FAT3: variants seen among roughly 807,000 people sequenced by gnomAD.
FAT3 encodes FAT atypical cadherin 3.
Under a neutral mutation model 310.2 loss-of-function variants are expected in FAT3, and 95 were observed. The observed-to-expected ratio is 0.31, with a 90% CI of 0.26 to 0.36. The LOEUF (loss-of-function observed/expected upper bound fraction) is 0.36, where lower values mean the gene tolerates loss of function less well. Among genes scored for constraint, FAT3 ranks in the 10% least tolerant of loss-of-function variants. The pLI, the probability that FAT3 is intolerant of heterozygous loss-of-function variation, is 1.00. For synonymous variants in FAT3, 2,314 were observed against 2,192.9 expected (o/e 1.06, Z -1.54); for missense variants, 5,408 against 5,715.6 (o/e 0.95, Z 1.74).
At chr11:92,649,371 A>C (rs926599216) in intron 3 of FAT3, among the ~76,000 whole-genome samples, 20 of 152,184 alleles carry the variant, frequency 1.3e-4, no homozygotes, top group Non-Finnish European at 2.5e-4. Context: ...TTTATCTGCA[A>C]CTATATCCCA....
At chr11:92,383,227 C>T (rs1359283037) in intron 2 of FAT3, among the ~76,000 whole-genome samples, 1 of 152,170 alleles carries the variant, frequency 6.6e-6, no homozygotes, top group African/African-American at 2.4e-5. Context: ...TTTTCTTTAT[C>T]CAGTCTGTCA....
chr11:92,382,741 T>C (rs1025040735), intron 2 of FAT3, among the ~76,000 whole-genome samples: 1 of 152,256 alleles, frequency 6.6e-6, no homozygotes, highest in Non-Finnish European at 1.5e-5. Context: ...GATGTGATTG[T>C]GTTCCAGTTC....
At position 92,774,187 on chromosome 11, in the gene FAT3, T is replaced by A. The variant is rs1218185760; in HGVS notation, c.4335+7T>A. 1.2e-6 allele frequency: 2 copies of A among 1,603,978 alleles called. No individual in the cohort carries two copies. The highest frequency in any genetic ancestry group is 1.3e-5 in the African/African-American group (1 of 74,748). On this transcript the variant is annotated splice_region_variant and intron_variant, in intron 7 of 27. Coordinates refer to ENST00000525166, the MANE Select transcript of FAT3 (RefSeq NM_001367949.2). ...AAATGTTGCTGTTACTCAGGTGAGA[T>A]GTTAAATTACTGAATAGCAGGAATG...
At chr11:92,835,119 T>C (rs747000758) in intron 15 of FAT3, 35 bp downstream of exon 15, 2 of 1,551,388 alleles carry the variant, frequency 1.3e-6, no homozygotes, top group African/African-American at 2.7e-5. Context: ...TTCTAGATGT[T>C]TGGGACTAGT....
chr11:92,466,051 A>G (rs1951752204), intron 2 of FAT3, among the ~76,000 whole-genome samples: 1 of 152,176 alleles, frequency 6.6e-6, no homozygotes, highest in Admixed American at 6.6e-5. Flanking sequence ...TCTATACAGC[A>G]GGTACTATTG....
chr11:92,483,201 T>G (rs1456256842), intron 2 of FAT3, among the ~76,000 whole-genome samples: 7 of 152,216 alleles, frequency 4.6e-5, no homozygotes, highest in Non-Finnish European at 7.4e-5. Context: ...GCACAGGCCC[T>G]GGGCAATCTG....
intron 2 of FAT3, among the ~76,000 whole-genome samples, chr11:92,447,211 GTATA>G (rs1304110582): frequency 2.3e-4 from 30 of 129,662 alleles, no homozygotes; most frequent in African/African-American, 8.3e-4. Flanking sequence ...ATATGTGTAT[GTATA>G]TGTGTGCGTG....
At chr11:92,445,640 C>T (rs1951190878) in intron 2 of FAT3, among the ~76,000 whole-genome samples, 1 of 151,974 alleles carries the variant, frequency 6.6e-6, no homozygotes, top group Admixed American at 6.6e-5. Flanking sequence ...TTAAGAAAGG[C>T]CTAATATTTG....
chr11:92,457,317 A>G (rs533831476), intron 2 of FAT3, among the ~76,000 whole-genome samples: 1 of 152,286 alleles, frequency 6.6e-6, no homozygotes, highest in African/African-American at 2.4e-5. Context: ...AGGCAGAGAT[A>G]CAATGGAAGC....
intron 2 of FAT3, among the ~76,000 whole-genome samples, chr11:92,425,456 T>C (rs902799546): frequency 1.3e-5 from 2 of 152,110 alleles, no homozygotes; most frequent in Non-Finnish European, 2.9e-5. Flanking sequence ...GTTACATAGG[T>C]ATACATGTGC....
intron 1 of FAT3, among the ~76,000 whole-genome samples, chr11:92,239,005 G>A (rs1864553637): frequency 6.6e-6 from 1 of 152,052 alleles, no homozygotes; most frequent in Admixed American, 6.6e-5. Context: ...ACATTGCTGA[G>A]AGCTTTACAT....
At chr11:92,329,300 A>G (rs1947846182) in intron 1 of FAT3, among the ~76,000 whole-genome samples, 1 of 151,542 alleles carries the variant, frequency 6.6e-6, no homozygotes, top group Non-Finnish European at 1.5e-5. Context: ...CTCCGAGATG[A>G]GTGAGTGTTT....
At chr11:92,839,529 C>T (rs1312751837) in intron 17 of FAT3, among the ~76,000 whole-genome samples, 2 of 152,186 alleles carry the variant, frequency 1.3e-5, no homozygotes, top group African/African-American at 2.4e-5. Flanking sequence ...AAATATGCCT[C>T]CTTTTTCCCA....
chr11:92,545,632 C>T (rs1252717093), intron 3 of FAT3, among the ~76,000 whole-genome samples: 1 of 152,146 alleles, frequency 6.6e-6, no homozygotes, highest in Non-Finnish European at 1.5e-5. Flanking sequence ...GTAAGATTTG[C>T]ACTTGCTCTT....
chr11:92,428,688 C>G (rs1054691337), intron 2 of FAT3, among the ~76,000 whole-genome samples: 2 of 152,088 alleles, frequency 1.3e-5, no homozygotes, highest in African/African-American at 4.8e-5. Context: ...TATAGTTGTG[C>G]AGTTTTGAGT....
At chr11:92,254,440 G>T (rs1865237570) in intron 1 of FAT3, among the ~76,000 whole-genome samples, 2 of 152,128 alleles carry the variant, frequency 1.3e-5, no homozygotes, top group South Asian at 4.1e-4. Flanking sequence ...GCGTAAAGAA[G>T]TTTCAAACAG....
chr11:92,528,742 G>T (rs1199597812), intron 3 of FAT3, among the ~76,000 whole-genome samples: 1 of 152,186 alleles, frequency 6.6e-6, no homozygotes, highest in Non-Finnish European at 1.5e-5. Flanking sequence ...GCTGAAGTGG[G>T]GAGCAGGGGT....
At position 92,229,500 on chromosome 11, in the gene FAT3, T is replaced by G. The variant is rs12222322; in HGVS notation, c.-18+4326T>G. On this transcript the variant is annotated intron_variant, in intron 1 of 27. Coordinates refer to ENST00000525166, the MANE Select transcript of FAT3 (RefSeq NM_001367949.2). ...TTTTTTTGTTTTTTCGTGTTTTTTT[T>G]TTTTTTGTTTTTTGTTTTTTTTTAC... 3.4e-3 allele frequency among the ~76,000 whole-genome samples: 354 copies of G among 103,734 alleles called. 19 individuals carry two copies. The East Asian group carries it at 0.04, about 12-fold the overall frequency. 68.1% of individuals were successfully genotyped at this position (103,734 alleles called of 152,430 possible). A position where few individuals can be genotyped will look rare whatever the true frequency, so the allele number is the denominator to read the frequency against.
intron 1 of FAT3, among the ~76,000 whole-genome samples, chr11:92,281,398 G>C (rs369068406): frequency 6.6e-6 from 1 of 152,098 alleles, no homozygotes; most frequent in East Asian, 1.9e-4. Flanking sequence ...ATCAAGAAAA[G>C]AACAATTTAA....
Sources: gnomAD v4.1 joint callset for allele counts (sites outside exome capture counted in the v4.1 genomes callset) on GRCh38, gnomAD v4.1.1 for gene constraint, MANE v1.5 for transcripts, NCBI Gene and HGNC (gene_info 2026-07-23, HGNC 2026-07-21) for gene names.